The following KIAA1671 variants were observed in gnomAD, a reference collection of about 807,000 sequenced individuals.
The protein encoded by KIAA1671 is KIAA1671, also known as uncharacterized protein KIAA1671.
In KIAA1671, 52 loss-of-function variants were observed where a neutral mutation model predicts 131.2. The ratio of observed to expected loss-of-function variants is 0.40; its 90% CI spans 0.32 to 0.50. The LOEUF (loss-of-function observed/expected upper bound fraction) is 0.50, where lower values mean the gene tolerates loss of function less well. Ranked by LOEUF, KIAA1671 falls within the 20% of genes least tolerant of loss-of-function variation. The pLI is 0.73. For missense variants in KIAA1671, 2,360 were observed against 2,364.2 expected (o/e 1.00, Z 0.04); for synonymous variants, 1,003 against 961.6 (o/e 1.04, Z -0.80).
At chr22:25,124,959 A>G (rs765261822) in intron 6 of KIAA1671, among the ~76,000 whole-genome samples, 5 of 151,572 alleles carry the variant, frequency 3.3e-5, no homozygotes, top group Non-Finnish European at 7.4e-5. Context: ...GGGTCTCACT[A>G]TGTTACCCAG....
intron 6 of KIAA1671, among the ~76,000 whole-genome samples, chr22:25,075,799 A>G (rs1929074371): frequency 7.1e-6 from 1 of 140,442 alleles, no homozygotes; most frequent in Non-Finnish European, 1.5e-5. Context: ...TTTTTGAGAC[A>G]AAGTCTCACT....
At chr22:24,966,236 G>T (rs1922297745) in intron 1 of KIAA1671, among the ~76,000 whole-genome samples, 1 of 152,232 alleles carries the variant, frequency 6.6e-6, no homozygotes, top group African/African-American at 2.4e-5. Context: ...TCCTCAGGGA[G>T]GAAAGCCTCT....
intron 5 of KIAA1671, among the ~76,000 whole-genome samples, chr22:25,045,272 T>G (rs1927161393): frequency 6.6e-6 from 1 of 152,200 alleles, no homozygotes; most frequent in Non-Finnish European, 1.5e-5. Context: ...GGCCCATTAG[T>G]GGTTTTTAAC....
intron 1 of KIAA1671, among the ~76,000 whole-genome samples, chr22:25,001,785 T>C (rs1239841676): frequency 6.6e-6 from 1 of 152,192 alleles, no homozygotes; most frequent in Non-Finnish European, 1.5e-5. Flanking sequence ...CTGTTGGTTT[T>C]CAGATGATAC....
In KIAA1671 at chr22:24,973,946, C is replaced by T. The variant is rs115173515; in HGVS notation, c.-208+21174C>T. Among the ~76,000 whole-genome samples, 1,098 of 152,158 alleles carry T rather than the reference C, an allele frequency of 7.2e-3. 20 individuals carry two copies. Among genetic ancestry groups the T allele is most frequent in the African/African-American group, 0.025 (1,041 of 41,494 alleles). ...TATATTAATAATAATAGTAGCAAGCCGGTGCTGAATGTGCCGTGTAGACCC... is the reference window on the plus strand; with the variant it reads ...TATATTAATAATAATAGTAGCAAGCTGGTGCTGAATGTGCCGTGTAGACCC... On this transcript the variant is annotated intron_variant, in intron 1 of 12. Coordinates refer to ENST00000358431, the MANE Select transcript of KIAA1671 (RefSeq NM_001145206.2).
intron 7 of KIAA1671, among the ~76,000 whole-genome samples, chr22:25,171,639 C>T (rs956610080): frequency 1.3e-5 from 2 of 151,644 alleles, no homozygotes; most frequent in African/African-American, 4.9e-5. Flanking sequence ...CACTTGAACC[C>T]GGGAGGTGGA....
chr22:25,178,409 C>G (rs1281828061), intron 9 of KIAA1671, among the ~76,000 whole-genome samples: 1 of 152,226 alleles, frequency 6.6e-6, no homozygotes, highest in African/African-American at 2.4e-5. Flanking sequence ...CTGAGGAGGA[C>G]TTGTGGCTGC....
chr22:25,166,095 G>A (rs1933637901), intron 6 of KIAA1671, among the ~76,000 whole-genome samples: 1 of 152,244 alleles, frequency 6.6e-6, no homozygotes, highest in Non-Finnish European at 1.5e-5. Context: ...GGCGAAGGAT[G>A]CCAGGGGAGG....
At chr22:24,972,291 A>G (rs779924727) in intron 1 of KIAA1671, among the ~76,000 whole-genome samples, 1 of 152,238 alleles carries the variant, frequency 6.6e-6, no homozygotes, top group Non-Finnish European at 1.5e-5. Flanking sequence ...CTCAGAAAAC[A>G]GTGCTCATGA....
intron 1 of KIAA1671, among the ~76,000 whole-genome samples, chr22:24,995,575 G>T (rs1924091080): frequency 6.6e-6 from 1 of 151,882 alleles, no homozygotes; most frequent in Non-Finnish European, 1.5e-5. Context: ...GCCCAGGATG[G>T]TCTCCAACTC....
intron 9 of KIAA1671, among the ~76,000 whole-genome samples, chr22:25,178,676 G>C (rs1280391582): frequency 6.6e-6 from 1 of 152,210 alleles, no homozygotes; most frequent in African/African-American, 2.4e-5. Flanking sequence ...ACTCAGGGCA[G>C]GTCCCCAACT....
intron 1 of KIAA1671, chr22:25,012,860 A>G (rs1388458947): frequency 1.3e-5 from 2 of 152,178 alleles, no homozygotes; most frequent in African/African-American, 4.8e-5. Flanking sequence ...TGAGGATTAG[A>G]AAGGAAACCA....
chr22:25,113,249 T>G (rs1012147217), intron 6 of KIAA1671, among the ~76,000 whole-genome samples: 4 of 152,052 alleles, frequency 2.6e-5, no homozygotes, highest in African/African-American at 9.7e-5. Flanking sequence ...GGCTCTGACC[T>G]CCCCATTCAC....
intron 6 of KIAA1671, chr22:25,049,870 G>C (rs1927443324): frequency 6.5e-6 from 1 of 152,674 alleles, no homozygotes; most frequent in Non-Finnish European, 1.5e-5. Context: ...CAGAAAGCTG[G>C]TTCCAGAGCC....
At chr22:25,048,151 A>C (rs1305704412) in intron 5 of KIAA1671, among the ~76,000 whole-genome samples, 2 of 152,308 alleles carry the variant, frequency 1.3e-5, no homozygotes, top group South Asian at 2.1e-4. Flanking sequence ...TGGGAGGAGC[A>C]ACTGTGGAGA....
intron 6 of KIAA1671, chr22:25,055,990 G>A (rs1262324444): frequency 6.7e-6 from 1 of 148,480 alleles, no homozygotes; most frequent in Non-Finnish European, 1.5e-5. Flanking sequence ...CAAGTACCTG[G>A]GACTACAGGC....
intron 1 of KIAA1671, among the ~76,000 whole-genome samples, chr22:24,959,462 G>T (rs375894816): frequency 6.6e-6 from 1 of 152,066 alleles, no homozygotes; most frequent in African/African-American, 2.4e-5. Context: ...GGTGGAGTTT[G>T]CAGTGAGCTA....
chr22:25,093,748 CTCTCTCTCTCTCTCTCTCTG>C (rs1930186684), intron 6 of KIAA1671, among the ~76,000 whole-genome samples: 12 of 111,412 alleles, frequency 1.1e-4, no homozygotes, highest in South Asian at 6.1e-4. Context: ...CTCTCTCTCT[CTCTCTCTCTCTCTCTCTCTG>C]TCTCTCTCTC....
intron 6 of KIAA1671, among the ~76,000 whole-genome samples, chr22:25,100,542 C>T (rs1002646919): frequency 1.3e-5 from 2 of 152,188 alleles, no homozygotes; most frequent in African/African-American, 2.4e-5. Context: ...TCCACCCAGC[C>T]GTGGGTTGTG....
Sources: allele counts gnomAD v4.1 joint callset (sites outside exome capture counted in the v4.1 genomes callset), GRCh38; gene constraint gnomAD v4.1.1; transcripts MANE v1.5; gene names NCBI Gene and HGNC (gene_info 2026-07-23, HGNC 2026-07-21).